The following HOMER1 variants were observed in gnomAD, a reference collection of about 807,000 sequenced individuals.
The protein encoded by HOMER1 is homer protein homolog 1.
HOMER1 carries 3 observed loss-of-function variants against 48.9 expected under a neutral mutation model. The observed-to-expected ratio is 0.06, with a 90% CI of 0.03 to 0.16. HOMER1 has a LOEUF of 0.16. Among genes scored for constraint, HOMER1 ranks in the 10% least tolerant of loss-of-function variants. HOMER1 has a pLI of 1.00. For missense variants in HOMER1, 247 were observed against 411.4 expected (o/e 0.60, Z 3.46); for synonymous variants, 134 against 146.4 (o/e 0.92, Z 0.61).
intron 1 of HOMER1, among the ~76,000 whole-genome samples, chr5:79,490,475 TAA>T (rs1331511003): frequency 1.3e-5 from 2 of 152,174 alleles, no homozygotes; most frequent in African/African-American, 4.8e-5. Flanking sequence ...CAATATTACT[TAA>T]GTGTATCTTA....
At chr5:79,511,814 T>C (rs1199149168) in intron 1 of HOMER1, among the ~76,000 whole-genome samples, 1 of 152,240 alleles carries the variant, frequency 6.6e-6, no homozygotes, top group Non-Finnish European at 1.5e-5. Flanking sequence ...ACCATCACGA[T>C]GAATTGCAGA....
intron 2 of HOMER1, among the ~76,000 whole-genome samples, chr5:79,455,106 ATTT>A (rs148460046): frequency 2.1e-5 from 3 of 146,148 alleles, no homozygotes; most frequent in Admixed American, 6.9e-5. Flanking sequence ...CACCTAGCTA[ATTT>A]TTTTTTTTTT....
At chr5:79,382,958 A>C (rs957807773) in intron 8 of HOMER1, among the ~76,000 whole-genome samples, 1 of 152,242 alleles carries the variant, frequency 6.6e-6, no homozygotes, top group Non-Finnish European at 1.5e-5. Flanking sequence ...GATTACAGTT[A>C]TGACCAACTG....
At chr5:79,461,951 C>A (rs1471111941) in intron 1 of HOMER1, among the ~76,000 whole-genome samples, 1 of 152,166 alleles carries the variant, frequency 6.6e-6, no homozygotes, top group Non-Finnish European at 1.5e-5. Flanking sequence ...GTAATCCCAG[C>A]ACTTTGGGAG....
chr5:79,396,650 T>C (rs938336703), intron 8 of HOMER1, among the ~76,000 whole-genome samples, 173 bp downstream of exon 8: 55 of 152,170 alleles, frequency 3.6e-4, no homozygotes, highest in African/African-American at 1.3e-3. Flanking sequence ...GCTACATAGA[T>C]GAAGTTATCA....
At chr5:79,450,908 A>G in intron 3 of HOMER1, 82 bp downstream of exon 3, 1 of 1,328,140 alleles carries the variant, frequency 7.5e-7, no homozygotes, top group Non-Finnish European at 1.0e-6. Flanking sequence ...CCTATATTTT[A>G]TACTCTCCAT....
At chr5:79,485,726 T>C (rs1023913984) in intron 1 of HOMER1, among the ~76,000 whole-genome samples, 3 of 152,170 alleles carry the variant, frequency 2.0e-5, no homozygotes, top group East Asian at 1.9e-4. Flanking sequence ...AGGGACCTAA[T>C]TGAAGTTGGT....
At chr5:79,399,504 C>T (rs1352112374) in intron 6 of HOMER1, among the ~76,000 whole-genome samples, 1 of 152,138 alleles carries the variant, frequency 6.6e-6, no homozygotes, top group East Asian at 1.9e-4. Context: ...TGCAGTGAAA[C>T]TTTGGAAAGG....
At chr5:79,399,060 T>A (rs1386503055) in intron 6 of HOMER1, among the ~76,000 whole-genome samples, 2 of 152,230 alleles carry the variant, frequency 1.3e-5, no homozygotes, top group Non-Finnish European at 2.9e-5. Context: ...TCTCATTATA[T>A]AATAAATTCC....
In HOMER1 at chr5:79,429,262, A is replaced by G. The variant is rs1337059102; in HGVS notation, c.527+9748T>C. Among the ~76,000 whole-genome samples the G allele has an allele frequency of 2.0e-5, 3 of 152,250 alleles. No individual in the cohort carries two copies. The East Asian group carries it at 5.8e-4, about 29-fold the overall frequency. On this transcript the variant is annotated intron_variant, in intron 5 of 8. Coordinates refer to ENST00000334082, the MANE Select transcript of HOMER1 (RefSeq NM_004272.5). ...TCCCAGCTACTCGGGAGGCTGAGAC[A>G]TGAGAATCACTTTGAGGCATGAAAA...
intron 8 of HOMER1, among the ~76,000 whole-genome samples, chr5:79,377,866 T>C (rs1282396946): frequency 6.6e-6 from 1 of 152,168 alleles, no homozygotes; most frequent in East Asian, 1.9e-4. Context: ...TTTATTCTTC[T>C]CTCAAGTTGG....
intron 4 of HOMER1, among the ~76,000 whole-genome samples, chr5:79,445,682 G>C (rs977089840): frequency 1.3e-5 from 2 of 152,178 alleles, no homozygotes; most frequent in African/African-American, 4.8e-5. Context: ...CATTTTGGGA[G>C]GCCAAGGCAG....
intron 3 of HOMER1, among the ~76,000 whole-genome samples, chr5:79,450,713 A>G (rs1024122538): frequency 6.6e-5 from 10 of 152,158 alleles, no homozygotes; most frequent in African/African-American, 2.4e-4. Flanking sequence ...ACAAAAATCC[A>G]TTCTGAAGTG....
intron 1 of HOMER1, among the ~76,000 whole-genome samples, chr5:79,491,620 G>A (rs1752281929): frequency 6.6e-6 from 1 of 151,968 alleles, no homozygotes. Context: ...GAAATGAAAG[G>A]TTTTCCTTCC....
At chr5:79,486,921 A>C (rs962323305) in intron 1 of HOMER1, among the ~76,000 whole-genome samples, 1 of 152,230 alleles carries the variant, frequency 6.6e-6, no homozygotes, top group Admixed American at 6.5e-5. Context: ...GAAGGCAATA[A>C]CATTTGACAG....
rs1304921306 is a variant in HOMER1 at position 79,375,241 on chromosome 5, C to A, written c.*768G>T. 1 of 152,002 alleles carries A rather than the reference C, an allele frequency of 6.6e-6. No individual in the cohort carries two copies. Among genetic ancestry groups the A allele is most frequent in the Non-Finnish European group, 1.5e-5 (1 of 67,920 alleles). 9.4% of individuals were successfully genotyped at this position (152,002 alleles called of 1,614,324 possible). ...ATTAGAAACTTAAAAAGAAAAATTT[C>A]TGAGGGACTCAGCTGCCTTCGTTAG... is the stretch of plus-strand genomic sequence containing the variant. On this transcript the variant is annotated 3_prime_UTR_variant, in exon 9 of 9. Transcript: ENST00000334082.
chr5:79,378,016 G>A (rs1375203451), intron 8 of HOMER1, among the ~76,000 whole-genome samples: 7 of 152,102 alleles, frequency 4.6e-5, no homozygotes, highest in Middle Eastern at 3.4e-3. Context: ...TCAGGAGGTC[G>A]AGACCAGCCT....
intron 1 of HOMER1, among the ~76,000 whole-genome samples, chr5:79,505,405 A>G (rs1580047540): frequency 6.6e-6 from 1 of 152,196 alleles, no homozygotes; most frequent in Non-Finnish European, 1.5e-5. Context: ...GACATGACAT[A>G]ATAAACATGA....
intron 8 of HOMER1, among the ~76,000 whole-genome samples, chr5:79,394,501 G>A (rs1036386529): frequency 2.0e-5 from 3 of 152,182 alleles, no homozygotes; most frequent in African/African-American, 7.2e-5. Flanking sequence ...TCAGTGAAAG[G>A]ATGGGTAAGA....
Sources: allele counts gnomAD v4.1 joint callset (sites outside exome capture counted in the v4.1 genomes callset), GRCh38; gene constraint gnomAD v4.1.1; transcripts MANE v1.5; gene names NCBI Gene and HGNC (gene_info 2026-07-23, HGNC 2026-07-21).